PLBD1: variants seen among roughly 807,000 people sequenced by gnomAD.
PLBD1 encodes lysosomal leucine aminopeptidase.
PLBD1 carries 60 observed loss-of-function variants against 63.0 expected under a neutral mutation model. The ratio of observed to expected loss-of-function variants is 0.95; its 90% CI spans 0.77 to 1.18. PLBD1 has a LOEUF of 1.18. Among genes scored for constraint, PLBD1 ranks in the 50% most tolerant of loss-of-function variants. The probability of loss-of-function intolerance (pLI) is 0.00; values close to 1 mark genes in which losing one functional copy is unlikely to be tolerated. For synonymous variants in PLBD1, 262 were observed against 248.0 expected (o/e 1.06, Z -0.53); for missense variants, 598 against 677.9 (o/e 0.88, Z 1.31).
At chr12:14,548,178 C>T (rs1409046061) in intron 2 of PLBD1, among the ~76,000 whole-genome samples, 1 of 151,894 alleles carries the variant, frequency 6.6e-6, no homozygotes, top group Non-Finnish European at 1.5e-5. Flanking sequence ...GAGGGTGGGC[C>T]AGGCACGGTG....
intron 2 of PLBD1, among the ~76,000 whole-genome samples, chr12:14,550,780 A>G (rs1945652100): frequency 6.6e-6 from 1 of 152,006 alleles, no homozygotes; most frequent in Non-Finnish European, 1.5e-5. Flanking sequence ...TGGGAGGCTG[A>G]GGCAGAAAAA....
intron 6 of PLBD1, among the ~76,000 whole-genome samples, chr12:14,521,563 T>G (rs1284561962): frequency 1.3e-5 from 2 of 152,044 alleles, no homozygotes; most frequent in African/African-American, 2.4e-5. Flanking sequence ...CTGAAAAAAC[T>G]GCATGGTGAC....
At position 14,507,116 on chromosome 12, in the gene PLBD1, A is replaced by G; in HGVS notation, c.1189T>C (p.Tyr397His). 1 of 1,597,676 alleles carries G rather than the reference A, an allele frequency of 6.3e-7. No individual in the cohort carries two copies. The highest frequency in any genetic ancestry group is 1.3e-5 in the African/African-American group (1 of 74,774). ...SEQTDVLRKG[Y>H]WPSYNVPFHE... ...AAAGGAACATTGTAGGAGGGCCAAT[A>G]TCCTGATTTGGAATGGAAGGGAAGT... The change falls in exon 9 of 11, where the codon TAT becomes CAT. Residue 397 changes from tyrosine (Y) to histidine (H), a missense_variant and splice_region_variant. Tyr to His is a moderately conservative substitution (Grantham distance 83). Transcript: ENST00000240617.
intron 2 of PLBD1, among the ~76,000 whole-genome samples, chr12:14,546,397 CT>C (rs1241968214): frequency 6.6e-6 from 1 of 151,992 alleles, no homozygotes; most frequent in African/African-American, 2.4e-5. Context: ...CTTGTGGGCT[CT>C]TCACTTACAA....
At chr12:14,546,219 G>A (rs1194283076) in intron 2 of PLBD1, among the ~76,000 whole-genome samples, 1 of 151,760 alleles carries the variant, frequency 6.6e-6, no homozygotes, top group African/African-American at 2.4e-5. Flanking sequence ...TTGGGTGGTT[G>A]AGGCACAAGA....
At chr12:14,551,062 T>A (rs1945654979) in intron 2 of PLBD1, among the ~76,000 whole-genome samples, 1 of 147,594 alleles carries the variant, frequency 6.8e-6, no homozygotes, top group Admixed American at 6.8e-5. Context: ...AATAAATAAA[T>A]AAAATTTCTG....
chr12:14,506,297 A>G (rs1481280876), intron 9 of PLBD1, 29 bp from the exon 10 acceptor site: 7 of 1,476,892 alleles, frequency 4.7e-6, no homozygotes, highest in Non-Finnish European at 6.6e-6. Context: ...GAAGAGAGTG[A>G]TTATTGGCTA....
At chr12:14,566,232 T>C (rs1945780075) in intron 1 of PLBD1, among the ~76,000 whole-genome samples, 1 of 152,142 alleles carries the variant, frequency 6.6e-6, no homozygotes, top group Non-Finnish European at 1.5e-5. Flanking sequence ...CTCCATAGTT[T>C]AGGCAAAGAA....
intron 8 of PLBD1, among the ~76,000 whole-genome samples, chr12:14,507,692 A>G (rs1476358033): frequency 1.3e-5 from 2 of 152,170 alleles, no homozygotes; most frequent in Non-Finnish European, 2.9e-5. Flanking sequence ...GGAGAGGAGA[A>G]GTCCATAATG....
intron 6 of PLBD1, among the ~76,000 whole-genome samples, chr12:14,520,305 G>C (rs984866279): frequency 3.9e-5 from 6 of 152,210 alleles, no homozygotes; most frequent in Non-Finnish European, 8.8e-5. Context: ...AATTTGAGCT[G>C]CCAACATCTT....
rs752726253 is a variant in PLBD1 at position 14,503,917 on chromosome 12, T to A, written c.1517A>T (p.Tyr506Phe). 1.7e-5 allele frequency: 28 copies of A among 1,613,862 alleles called. No homozygotes were observed. The East Asian group carries it at 3.3e-4, about 19-fold the overall frequency. Reference sequence around the variant, plus strand: ...TTGTACTGTGGGACCACTTATGGCATAGGATGTGTACTGAGATGCTAGGTA... The same window carrying A: ...TTGTACTGTGGGACCACTTATGGCAAAGGATGTGTACTGAGATGCTAGGTA... ...DIYLASQYTS[Y>F]AISGPTVQGG... Residue 506 changes from tyrosine (Y) to phenylalanine (F), a missense_variant, in exon 11 of 11, where the codon TAT (tyrosine) becomes TTT (phenylalanine). By Grantham distance (22) the Tyr-to-Phe change is conservative. Transcript: ENST00000240617.
chr12:14,523,392 A>G (rs1296831771), intron 6 of PLBD1, among the ~76,000 whole-genome samples: 4 of 152,196 alleles, frequency 2.6e-5, no homozygotes, highest in African/African-American at 9.6e-5. Context: ...TTTTAAAAAA[A>G]TGTCCATACT....
chr12:14,511,470 T>C, intron 7 of PLBD1, 41 bp downstream of exon 7: 4 of 1,613,996 alleles, frequency 2.5e-6, no homozygotes, highest in South Asian at 2.2e-5. Flanking sequence ...TAAATCAAAA[T>C]ATATGTCTGT....
At chr12:14,511,218 C>T (rs1945295724) in intron 8 of PLBD1, 42 bp downstream of exon 8, 3 of 1,507,314 alleles carry the variant, frequency 2.0e-6, no homozygotes, top group Non-Finnish European at 2.7e-6. Flanking sequence ...TGAACACACA[C>T]ATACTCATCA....
rs1945517475 is a variant in PLBD1, at chr12:14,536,598, TCC to T, written c.669_670del (p.Trp223Ter). ...GATAAGAGCGGAGCAATGTCCCATG[TCC>T]CATCTCTTAAAAACCTTTAGGCTGC... On this transcript the variant is annotated stop_gained and frameshift_variant, in exon 5 of 11. Coordinates refer to ENST00000240617, the MANE Select transcript of PLBD1 (RefSeq NM_024829.6). LOFTEE classifies it high-confidence loss of function. 6.2e-7 allele frequency: 1 copy of T among 1,614,082 alleles called. No individual in the cohort carries two copies. Among genetic ancestry groups the T allele is most frequent in the African/African-American group, 1.3e-5 (1 of 74,948 alleles).
At chr12:14,533,010 A>C (rs1432103917) in intron 6 of PLBD1, 2 of 152,172 alleles carry the variant, frequency 1.3e-5, no homozygotes, top group African/African-American at 4.8e-5. Context: ...TGGGTATTGC[A>C]TGTTAGCCTC....
chr12:14,565,898 C>A (rs1482015961), intron 1 of PLBD1, among the ~76,000 whole-genome samples: 1 of 152,198 alleles, frequency 6.6e-6, no homozygotes, highest in East Asian at 1.9e-4. Context: ...TCCTTACTTT[C>A]TGCCTTGGCT....
intron 5 of PLBD1, 89 bp from the exon 6 acceptor site, chr12:14,535,892 C>T: frequency 7.3e-7 from 1 of 1,371,524 alleles, no homozygotes. Flanking sequence ...AGGGATTGTG[C>T]CATTTCAGGT....
intron 8 of PLBD1, among the ~76,000 whole-genome samples, chr12:14,510,581 C>T (rs1461710599): frequency 6.6e-6 from 1 of 152,068 alleles, no homozygotes; most frequent in Non-Finnish European, 1.5e-5. Flanking sequence ...ATTACAAATA[C>T]GTGGTTGTGG....
Sources: allele counts gnomAD v4.1 joint callset (sites outside exome capture counted in the v4.1 genomes callset), GRCh38; gene constraint gnomAD v4.1.1; transcripts MANE v1.5; gene names NCBI Gene and HGNC (gene_info 2026-07-23, HGNC 2026-07-21).